The following RSRC1 variants were observed in gnomAD, a reference collection of about 807,000 sequenced individuals.
The protein encoded by RSRC1 is serine/Arginine-related protein 53.
In RSRC1, 39 loss-of-function variants were observed where a neutral mutation model predicts 49.1. That is an observed-to-expected ratio of 0.79 (90% confidence interval 0.61 to 1.04). The LOEUF (loss-of-function observed/expected upper bound fraction) is 1.04. RSRC1 is among the 50% of genes least tolerant of loss of function. The pLI is 0.00. For missense variants in RSRC1, 388 were observed against 402.4 expected, an observed-to-expected ratio of 0.96 and a Z score of 0.31; for synonymous variants, 143 against 130.8, an observed-to-expected ratio of 1.09 and a Z score of -0.63.
At chr3:158,322,885 G>A (rs1728844018) in intron 5 of RSRC1, among the ~76,000 whole-genome samples, 1 of 151,970 alleles carries the variant, frequency 6.6e-6, no homozygotes, top group Non-Finnish European at 1.5e-5. Context: ...TGCCATCTCA[G>A]ATCTGTTAAT....
At chr3:158,218,699 T>C (rs1371830441) in intron 4 of RSRC1, among the ~76,000 whole-genome samples, 1 of 151,636 alleles carries the variant, frequency 6.6e-6, no homozygotes, top group Non-Finnish European at 1.5e-5. Context: ...GGTATTTTAC[T>C]TGGACCTTGA....
chr3:158,301,126 T>C (rs1727522474), intron 5 of RSRC1, among the ~76,000 whole-genome samples: 1 of 152,208 alleles, frequency 6.6e-6, no homozygotes, highest in Non-Finnish European at 1.5e-5. Context: ...CAAGTGATCC[T>C]GAGAACTGTC....
intron 7 of RSRC1, among the ~76,000 whole-genome samples, chr3:158,520,922 G>C (rs1290507516): frequency 2.6e-5 from 4 of 152,044 alleles, no homozygotes; most frequent in Non-Finnish European, 5.9e-5. Context: ...GATTGAAATG[G>C]CATGCTTATC....
At chr3:158,120,554 A>G (rs1173691037) in intron 1 of RSRC1, among the ~76,000 whole-genome samples, 3 of 147,110 alleles carry the variant, frequency 2.0e-5, no homozygotes, top group Non-Finnish European at 1.5e-5. Flanking sequence ...TAGAATTAAT[A>G]TATTAATATT....
intron 3 of RSRC1, among the ~76,000 whole-genome samples, chr3:158,197,938 G>A (rs971975349): frequency 6.6e-5 from 10 of 152,230 alleles, no homozygotes; most frequent in African/African-American, 1.9e-4. Flanking sequence ...GAGTAGGAGT[G>A]GTGTGGTGCT....
intron 7 of RSRC1, among the ~76,000 whole-genome samples, chr3:158,518,118 G>GCATATATATATATATATATA (rs1341871336): frequency 1.3e-5 from 1 of 75,812 alleles, no homozygotes; most frequent in African/African-American, 6.7e-5. Flanking sequence ...GTGTGTGTGT[G>GCATATATATATATATATATA]TGTGTGTGTA....
intron 3 of RSRC1, among the ~76,000 whole-genome samples, chr3:158,181,374 G>A (rs1724728): frequency 0.58 from 88,079 of 151,928 alleles, 25,842 homozygotes; most frequent in East Asian, 0.73. Context: ...AGAAATATCT[G>A]TCACCTGGGA....
chr3:158,276,250 C>T (rs1485521049), intron 4 of RSRC1: 2 of 770,548 alleles, frequency 2.6e-6, no homozygotes, highest in Non-Finnish European at 4.7e-6. Context: ...ATAATGTAAC[C>T]TTTCTTGGCC....
At chr3:158,227,346 T>C (rs149366834) in intron 4 of RSRC1, among the ~76,000 whole-genome samples, 1 of 152,092 alleles carries the variant, frequency 6.6e-6, no homozygotes, top group Non-Finnish European at 1.5e-5. Flanking sequence ...CTTTTAAAAA[T>C]TGCTTCTTTC....
intron 6 of RSRC1, among the ~76,000 whole-genome samples, chr3:158,416,836 A>AT (rs1435136120): frequency 5.3e-5 from 8 of 152,088 alleles, no homozygotes; most frequent in African/African-American, 1.7e-4. Context: ...GTTAGAAGTA[A>AT]TTCTCAGAAC....
chr3:158,251,975 A>T (rs917547692), intron 4 of RSRC1, among the ~76,000 whole-genome samples: 4 of 152,094 alleles, frequency 2.6e-5, no homozygotes, highest in African/African-American at 9.7e-5. Flanking sequence ...CTTTTATTAC[A>T]TTGAGATATT....
chr3:158,338,286 G>T (rs149571169), intron 5 of RSRC1, among the ~76,000 whole-genome samples: 367 of 152,006 alleles, frequency 2.4e-3, no homozygotes, highest in Middle Eastern at 6.8e-3. Flanking sequence ...TTGCTATCAA[G>T]AATGGAAAAC....
chr3:158,379,772 A>T (rs1048811212), intron 6 of RSRC1, among the ~76,000 whole-genome samples: 5 of 149,686 alleles, frequency 3.3e-5, no homozygotes, highest in Non-Finnish European at 7.4e-5. Context: ...ATCTGACTGA[A>T]CTGCACCTCC....
At chr3:158,202,474 G>T (rs1384406634) in intron 3 of RSRC1, among the ~76,000 whole-genome samples, 3 of 149,336 alleles carry the variant, frequency 2.0e-5, no homozygotes, top group Non-Finnish European at 4.4e-5. Flanking sequence ...CCACATGTAA[G>T]TGGATCCATG....
intron 7 of RSRC1, among the ~76,000 whole-genome samples, chr3:158,524,304 A>T (rs1448947051): frequency 2.0e-5 from 3 of 152,046 alleles, no homozygotes; most frequent in African/African-American, 7.2e-5. Flanking sequence ...CACAATTAAG[A>T]TGAATTTTTT....
intron 7 of RSRC1, among the ~76,000 whole-genome samples, chr3:158,507,867 G>A (rs1201619421): frequency 2.0e-5 from 3 of 152,064 alleles, no homozygotes; most frequent in African/African-American, 7.2e-5. Context: ...GAACTCAGGA[G>A]TTTGAGACCA....
intron 4 of RSRC1, among the ~76,000 whole-genome samples, chr3:158,234,564 G>A (rs1013212104): frequency 2.0e-5 from 3 of 150,518 alleles, no homozygotes; most frequent in Non-Finnish European, 4.4e-5. Context: ...GGAAATTATT[G>A]GTCTTAGTAT....
intron 4 of RSRC1, among the ~76,000 whole-genome samples, chr3:158,206,153 G>A (rs1485097476): frequency 6.6e-6 from 1 of 152,196 alleles, no homozygotes; most frequent in Non-Finnish European, 1.5e-5. Context: ...ATAATGAGCA[G>A]TTAAAAGATA....
intron 3 of RSRC1, among the ~76,000 whole-genome samples, chr3:158,176,412 C>T (rs1719221576): frequency 6.6e-6 from 1 of 152,160 alleles, no homozygotes. Flanking sequence ...TACTACAAGG[C>T]TACAGTAACC....
Sources: gnomAD v4.1 joint callset for allele counts (sites outside exome capture counted in the v4.1 genomes callset) on GRCh38, gnomAD v4.1.1 for gene constraint, MANE v1.5 for transcripts, NCBI Gene and HGNC (gene_info 2026-07-23, HGNC 2026-07-21) for gene names.